The following DNMBP variants were observed in gnomAD, a reference collection of about 807,000 sequenced individuals.
DNMBP encodes dynamin-binding protein.
A neutral mutation model predicts 150.0 loss-of-function variants in DNMBP; 87 were observed. The ratio of observed to expected loss-of-function variants is 0.58; its 90% CI spans 0.49 to 0.69. The LOEUF (loss-of-function observed/expected upper bound fraction) is 0.69, where lower values mean the gene tolerates loss of function less well. Among genes scored for constraint, DNMBP ranks in the 30% least tolerant of loss-of-function variants. The pLI is 0.00. For missense variants in DNMBP, 1,774 were observed against 1,949.0 expected (o/e 0.91, Z 1.69); for synonymous variants, 711 against 750.4 (o/e 0.95, Z 0.86).
intron 11 of DNMBP, among the ~76,000 whole-genome samples, chr10:99,890,210 T>C (rs948365638): frequency 6.6e-6 from 1 of 152,230 alleles, no homozygotes; most frequent in Non-Finnish European, 1.5e-5. Context: ...TGTTTTCTTT[T>C]AAAGGAATGT....
chr10:99,953,610 A>G (rs1206581162), intron 4 of DNMBP, among the ~76,000 whole-genome samples: 1 of 152,164 alleles, frequency 6.6e-6, no homozygotes, highest in Non-Finnish European at 1.5e-5. Flanking sequence ...ACTCGAGGTC[A>G]GGAGTTTGAG....
chr10:99,888,957 G>C lies in DNMBP; in HGVS notation c.3157-4C>G. The C allele has an allele frequency of 6.2e-7, 1 of 1,613,944 alleles. No homozygotes were observed. Among genetic ancestry groups the C allele is most frequent in the Non-Finnish European group, 8.5e-7 (1 of 1,179,962 alleles). ...CCACTTTCACACATGCGGACTCCTG[G>C]AGCCAGTTAGGACAGACACAAGTCA... On this transcript the variant is annotated splice_region_variant and splice_polypyrimidine_tract_variant and intron_variant, in intron 11 of 16. Transcript: ENST00000324109.
intron 6 of DNMBP, among the ~76,000 whole-genome samples, chr10:99,906,808 C>T (rs1285962808): frequency 1.3e-5 from 2 of 152,202 alleles, no homozygotes; most frequent in African/African-American, 2.4e-5. Context: ...AGCGGAGCCA[C>T]CTCCAGACTC....
chr10:99,971,315 C>T (rs182535628), intron 2 of DNMBP, among the ~76,000 whole-genome samples: 2 of 150,142 alleles, frequency 1.3e-5, no homozygotes, highest in East Asian at 2.0e-4. Flanking sequence ...CTTTTCTTTC[C>T]TTCCTTCCTT....
chr10:99,943,977 G>A (rs1031190599), intron 4 of DNMBP, among the ~76,000 whole-genome samples: 1 of 152,140 alleles, frequency 6.6e-6, no homozygotes, highest in Admixed American at 6.5e-5. Flanking sequence ...AGACATCACT[G>A]AAAATTACTT....
intron 1 of DNMBP, among the ~76,000 whole-genome samples, chr10:99,972,843 T>G (rs1017551017): frequency 3.3e-5 from 5 of 152,240 alleles, no homozygotes; most frequent in Non-Finnish European, 5.9e-5. Context: ...GGCACAATCT[T>G]GGCTCACTGC....
chr10:99,918,794 A>G (rs1026529218), intron 4 of DNMBP, among the ~76,000 whole-genome samples: 1 of 152,150 alleles, frequency 6.6e-6, no homozygotes, highest in African/African-American at 2.4e-5. Context: ...ATGCTGCAGG[A>G]TAGTGAGTTT....
intron 1 of DNMBP, among the ~76,000 whole-genome samples, chr10:99,976,985 T>C (rs1262296604): frequency 6.6e-6 from 1 of 152,218 alleles, no homozygotes; most frequent in Non-Finnish European, 1.5e-5. Flanking sequence ...AAACCCCATA[T>C]AATTACTTAG....
intron 11 of DNMBP, among the ~76,000 whole-genome samples, chr10:99,891,787 C>T (rs1156967106): frequency 1.3e-5 from 2 of 151,032 alleles, no homozygotes; most frequent in African/African-American, 2.5e-5. Context: ...TGCCCGGCCG[C>T]CCATCGTCTG....
At chr10:99,980,742 C>T (rs921085531) in intron 1 of DNMBP, among the ~76,000 whole-genome samples, 5 of 142,618 alleles carry the variant, frequency 3.5e-5, no homozygotes, top group Non-Finnish European at 7.6e-5. Flanking sequence ...GAGATTGAGG[C>T]TGCCATGAAC....
chr10:100,005,320 G>T (rs181403170), intron 1 of DNMBP, among the ~76,000 whole-genome samples: 2 of 152,132 alleles, frequency 1.3e-5, no homozygotes, highest in Non-Finnish European at 2.9e-5. Context: ...ATGGTGTTAG[G>T]GGGTAGGAAC....
chr10:99,875,725 G>A lies in DNMBP; in HGVS notation c.*1426C>T, dbSNP rs1201786531. 1 of 151,992 alleles carries A rather than the reference G, an allele frequency of 6.6e-6. No homozygotes were observed. The highest frequency in any genetic ancestry group is 1.5e-5 in the Non-Finnish European group (1 of 67,992). 9.4% of individuals were successfully genotyped at this position (151,992 alleles called of 1,614,324 possible). On this transcript the variant is annotated 3_prime_UTR_variant, in exon 17 of 17. Coordinates refer to ENST00000324109, the MANE Select transcript of DNMBP (RefSeq NM_015221.4). Reference sequence around the variant, plus strand: ...ATGTTAGGACTCCACGGTGTCTCCCGACTCCCAGGATTTTAAGGCTAAATG... The same window carrying A: ...ATGTTAGGACTCCACGGTGTCTCCCAACTCCCAGGATTTTAAGGCTAAATG...
intron 6 of DNMBP, among the ~76,000 whole-genome samples, chr10:99,906,792 C>A (rs1564727092): frequency 6.6e-6 from 1 of 152,176 alleles, no homozygotes; most frequent in African/African-American, 2.4e-5. Context: ...TGGGCCAGAA[C>A]CACCCAGCGG....
At chr10:99,881,055 G>A (rs771034722) in intron 15 of DNMBP, among the ~76,000 whole-genome samples, 2 of 152,092 alleles carry the variant, frequency 1.3e-5, no homozygotes, top group Non-Finnish European at 1.5e-5. Context: ...GTGAAGCCCC[G>A]TCTCTATTAA....
At chr10:99,972,455 G>C (rs2040688812) in intron 1 of DNMBP, among the ~76,000 whole-genome samples, 1 of 151,906 alleles carries the variant, frequency 6.6e-6, no homozygotes, top group Admixed American at 6.6e-5. Context: ...ATTTTTACTA[G>C]AGGCAGGGTT....
At position 100,005,970 on chromosome 10, in the gene DNMBP, A is replaced by G. The variant is rs908129972; in HGVS notation, c.-11+3868T>C. Reference sequence around the variant, plus strand: ...AATTCTACAACAAAACCAATCTTTTAGATTCCTTGCGTGTTATAAAAGAAA... The same window carrying G: ...AATTCTACAACAAAACCAATCTTTTGGATTCCTTGCGTGTTATAAAAGAAA... On this transcript the variant is annotated intron_variant, in intron 1 of 16. Transcript: ENST00000324109. Among the ~76,000 whole-genome samples the G allele has an allele frequency of 7.9e-5, 12 of 152,290 alleles. 1 individual carries two copies. The South Asian group carries it at 2.5e-3, about 32-fold the overall frequency.
At chr10:99,954,799 C>T (rs559302116) in intron 4 of DNMBP, among the ~76,000 whole-genome samples, 271 of 149,464 alleles carry the variant, frequency 1.8e-3, no homozygotes, top group African/African-American at 5.7e-3. Context: ...GCCTGTAATC[C>T]CAACACTTTG....
At chr10:99,904,242 G>A (rs1448894939) in intron 6 of DNMBP, among the ~76,000 whole-genome samples, 1 of 151,862 alleles carries the variant, frequency 6.6e-6, no homozygotes, top group Non-Finnish European at 1.5e-5. Context: ...GAAATAGCGT[G>A]AGACTGTCTC....
At chr10:99,897,897 A>G in intron 9 of DNMBP, among the ~76,000 whole-genome samples, 189 bp downstream of exon 9, 1 of 152,094 alleles carries the variant, frequency 6.6e-6, no homozygotes, top group African/African-American at 2.4e-5. Flanking sequence ...TGGGGGACAG[A>G]GCAAGACTCT....
Sources: allele counts gnomAD v4.1 joint callset (sites outside exome capture counted in the v4.1 genomes callset), GRCh38; gene constraint gnomAD v4.1.1; transcripts MANE v1.5; gene names NCBI Gene and HGNC (gene_info 2026-07-23, HGNC 2026-07-21).